Variants in ERLIN1 observed in about 807,000 individuals in gnomAD.
The protein encoded by ERLIN1 is ER lipid raft associated 1.
Under a neutral mutation model 46.9 loss-of-function variants are expected in ERLIN1, and 24 were observed. The observed-to-expected ratio is 0.51, with a 90% CI of 0.37 to 0.72. ERLIN1 has a LOEUF of 0.72. Among genes scored for constraint, ERLIN1 ranks in the 30% least tolerant of loss-of-function variants. The pLI, the probability that ERLIN1 is intolerant of heterozygous loss-of-function variation, is 0.00. For synonymous variants in ERLIN1, 158 were observed against 143.2 expected (o/e 1.10, Z -0.74); for missense variants, 293 against 417.9 (o/e 0.70, Z 2.61).
At chr10:100,167,464 A>C in intron 6 of ERLIN1, 58 bp from the exon 7 acceptor site, 1 of 1,401,942 alleles carries the variant, frequency 7.1e-7, no homozygotes, top group Non-Finnish European at 1.0e-6. Flanking sequence ...TTCAAATTAA[A>C]TCTTCTACAG....
At chr10:100,179,151 GA>G in intron 3 of ERLIN1, 49 bp downstream of exon 3, 1 of 1,425,976 alleles carries the variant, frequency 7.0e-7, no homozygotes, top group South Asian at 1.2e-5. Flanking sequence ...TGTAGGAACA[GA>G]AACTCTGTCT....
intron 1 of ERLIN1, among the ~76,000 whole-genome samples, chr10:100,184,470 G>A (rs1413599924): frequency 1.3e-5 from 2 of 152,184 alleles, no homozygotes; most frequent in Admixed American, 6.5e-5. Flanking sequence ...ATTATAAAAA[G>A]GAGGCATTTG....
intron 6 of ERLIN1, among the ~76,000 whole-genome samples, chr10:100,173,540 AAC>A (rs1390119931): frequency 1.3e-5 from 2 of 152,144 alleles, no homozygotes; most frequent in African/African-American, 4.8e-5. Flanking sequence ...CAATCTGGAA[AAC>A]ACAGTGACCC....
At chr10:100,183,869 A>G in intron 1 of ERLIN1, 32 bp from the exon 2 acceptor site, 1 of 1,476,950 alleles carries the variant, frequency 6.8e-7, no homozygotes, top group Non-Finnish European at 9.5e-7. Flanking sequence ...TGACAAAATT[A>G]TAAAAAGAAA....
intron 9 of ERLIN1, among the ~76,000 whole-genome samples, chr10:100,155,768 C>A (rs1389157562): frequency 6.6e-6 from 1 of 152,196 alleles, no homozygotes; most frequent in East Asian, 1.9e-4. Flanking sequence ...CCCGCCTCGG[C>A]CTCCCAAAGT....
intron 10 of ERLIN1, among the ~76,000 whole-genome samples, chr10:100,153,620 C>T (rs970680106): frequency 1.3e-5 from 2 of 152,184 alleles, no homozygotes; most frequent in Admixed American, 6.5e-5. Flanking sequence ...TATCCTCTGT[C>T]GAAACACTCC....
intron 4 of ERLIN1, among the ~76,000 whole-genome samples, chr10:100,176,614 A>C (rs1020602650): frequency 6.6e-6 from 1 of 152,262 alleles, no homozygotes; most frequent in Non-Finnish European, 1.5e-5. Context: ...GCTGGGCTTT[A>C]TATCAGGTAA....
rs1844260980 is a variant in ERLIN1, at chr10:100,175,796, G to A, written c.430+149C>T. 7.2e-6 allele frequency: 4 copies of A among 556,176 alleles called. No individual in the cohort carries two copies. In the East Asian group the frequency reaches 1.0e-4, roughly 14 times the overall value. 34.5% of individuals were successfully genotyped at this position (556,176 alleles called of 1,614,324 possible). A position where few individuals can be genotyped will look rare whatever the true frequency, so the allele number is the denominator to read the frequency against. The stretch of plus-strand genomic sequence containing the variant: ...GTTATATAAAAAATTTTAAACTTAA[G>A]ATAAAAAATATTTTAAAGACAATTG... On this transcript the variant is annotated intron_variant, in intron 5 of 10. Coordinates refer to ENST00000421367, the MANE Select transcript of ERLIN1 (RefSeq NM_006459.4).
At chr10:100,172,560 T>C (rs957044136) in intron 6 of ERLIN1, among the ~76,000 whole-genome samples, 2 of 152,130 alleles carry the variant, frequency 1.3e-5, no homozygotes, top group Admixed American at 6.5e-5. Context: ...AAATGACCAA[T>C]AAATGTATCA....
At chr10:100,155,430 A>C (rs1279363624) in intron 9 of ERLIN1, among the ~76,000 whole-genome samples, 1 of 151,914 alleles carries the variant, frequency 6.6e-6, no homozygotes, top group African/African-American at 2.4e-5. Flanking sequence ...CCCTCCATGA[A>C]AACTGTTTTT....
At chr10:100,185,493 C>G (rs1052860695) in intron 1 of ERLIN1, 21 bp downstream of exon 1, 1 of 1,568,856 alleles carries the variant, frequency 6.4e-7, no homozygotes, top group African/African-American at 1.4e-5. Flanking sequence ...AGAGCCCTAA[C>G]TGACTGCACA....
chr10:100,185,468 C>A, intron 1 of ERLIN1, 46 bp downstream of exon 1: 1 of 1,439,444 alleles, frequency 6.9e-7, no homozygotes, highest in Non-Finnish European at 9.8e-7. Context: ...CTGGAGTACC[C>A]TTTTAATCTG....
intron 6 of ERLIN1, among the ~76,000 whole-genome samples, chr10:100,170,112 G>A (rs2134146366): frequency 6.6e-6 from 1 of 152,300 alleles, no homozygotes; most frequent in East Asian, 1.9e-4. Flanking sequence ...GGAAGATTAA[G>A]CTGGCAGAAA....
chr10:100,179,518 G>A (rs1352018362), intron 2 of ERLIN1, among the ~76,000 whole-genome samples: 2 of 151,484 alleles, frequency 1.3e-5, no homozygotes, highest in East Asian at 1.9e-4. Flanking sequence ...ATGCAGTGGT[G>A]CAATCTTGGC....
intron 5 of ERLIN1, among the ~76,000 whole-genome samples, chr10:100,174,810 CAG>C (rs1319107193): frequency 6.6e-6 from 1 of 151,912 alleles, no homozygotes; most frequent in African/African-American, 2.4e-5. Flanking sequence ...GAGAGAGAGA[CAG>C]AGAGAGAAGC....
At chr10:100,179,735 G>C (rs1306384097) in intron 2 of ERLIN1, among the ~76,000 whole-genome samples, 1 of 152,180 alleles carries the variant, frequency 6.6e-6, no homozygotes, top group Non-Finnish European at 1.5e-5. Context: ...GGGATTACAG[G>C]CGTGAGCCAC....
chr10:100,152,413 T>C (rs1385401368), intron 10 of ERLIN1, 61 bp from the exon 11 acceptor site: 1 of 941,962 alleles, frequency 1.1e-6, no homozygotes, highest in Non-Finnish European at 1.8e-6. Context: ...GTCTTCTCTC[T>C]CCCTATATAC....
intron 2 of ERLIN1, among the ~76,000 whole-genome samples, chr10:100,181,511 C>CTTTT (rs1491491330): frequency 7.2e-6 from 1 of 138,136 alleles, no homozygotes; most frequent in Non-Finnish European, 1.5e-5. Context: ...CTTAAGAACA[C>CTTTT]TCTTTTTTTT....
In ERLIN1 at chr10:100,152,017, G is replaced by A. The variant is rs1842825291; in HGVS notation, c.*114C>T. Reference sequence around the variant, plus strand: ...GAGCACCCAGGACTATCGCAGGAGAGGTGGAACAGATGAAGTGTAAGTTCT... The same window carrying A: ...GAGCACCCAGGACTATCGCAGGAGAAGTGGAACAGATGAAGTGTAAGTTCT... On this transcript the variant is annotated 3_prime_UTR_variant, in exon 11 of 11. Transcript: ENST00000421367. 1 of 747,812 alleles carries A rather than the reference G, an allele frequency of 1.3e-6. No individual in the cohort carries two copies. Among genetic ancestry groups the A allele is most frequent in the Admixed American group, 2.0e-5 (1 of 50,040 alleles). 46.3% of individuals were successfully genotyped at this position (747,812 alleles called of 1,614,324 possible).
Sources: allele counts gnomAD v4.1 joint callset (sites outside exome capture counted in the v4.1 genomes callset), GRCh38; gene constraint gnomAD v4.1.1; transcripts MANE v1.5; gene names NCBI Gene and HGNC (gene_info 2026-07-23, HGNC 2026-07-21).